SETBP1: variants seen among roughly 807,000 people sequenced by gnomAD.
SETBP1 encodes the protein SET binding protein 1.
SETBP1 carries 9 observed loss-of-function variants against 101.0 expected under a neutral mutation model. That is an observed-to-expected ratio of 0.09 (90% CI 0.05 to 0.16). SETBP1 has a LOEUF of 0.16. Ranked by LOEUF, SETBP1 falls within the 10% of genes least tolerant of loss-of-function variation. The pLI is 1.00. For synonymous variants in SETBP1, 818 were observed against 788.5 expected (o/e 1.04, Z -0.63); for missense variants, 1,858 against 2,033.8 (o/e 0.91, Z 1.66).
intron 2 of SETBP1, among the ~76,000 whole-genome samples, chr18:44,863,691 C>T (rs141855375): frequency 6.6e-6 from 1 of 152,068 alleles, no homozygotes; most frequent in Non-Finnish European, 1.5e-5. Context: ...AAGGATGGTA[C>T]CTTTGAGGGT....
Position 45,063,746 on chromosome 18 carries a change from G to A in SETBP1, c.*48G>A, listed in dbSNP as rs1375825052. 5 of 1,571,444 alleles carry A rather than the reference G, an allele frequency of 3.2e-6. No homozygotes were observed. The highest frequency in any genetic ancestry group is 2.7e-5 in the African/African-American group (2 of 73,410). ...TGGGGCCTAGGGAACTGACACGTGG[G>A]AAGCGCAGTGAGCCGGGGCGGGGGC... is the stretch of plus-strand genomic sequence containing the variant. On this transcript the variant is annotated 3_prime_UTR_variant, in exon 6 of 6. Coordinates refer to ENST00000649279, the MANE Select transcript of SETBP1 (RefSeq NM_015559.3).
At chr18:44,902,521 C>G (rs2070075731) in intron 3 of SETBP1, among the ~76,000 whole-genome samples, 1 of 151,684 alleles carries the variant, frequency 6.6e-6, no homozygotes, top group Non-Finnish European at 1.5e-5. Context: ...CAGGCCCTCC[C>G]CAAATCATAC....
At chr18:44,893,572 G>A (rs1038518793) in intron 3 of SETBP1, among the ~76,000 whole-genome samples, 14 of 152,204 alleles carry the variant, frequency 9.2e-5, no homozygotes, top group African/African-American at 1.7e-4. Flanking sequence ...TCCTCACCCC[G>A]GTGTGGCCTT....
chr18:45,029,570 G>A (rs917018309), intron 4 of SETBP1, among the ~76,000 whole-genome samples: 4 of 152,096 alleles, frequency 2.6e-5, no homozygotes, highest in African/African-American at 9.7e-5. Flanking sequence ...TAGCTTGATG[G>A]GGATGGCATT....
chr18:44,682,735 A>G (rs1257537160), intron 1 of SETBP1, among the ~76,000 whole-genome samples: 1 of 152,180 alleles, frequency 6.6e-6, no homozygotes, highest in Non-Finnish European at 1.5e-5. Context: ...GTAGCCCCCA[A>G]AGATATGGAG....
chr18:44,750,344 A>G (rs1272206122), intron 2 of SETBP1, among the ~76,000 whole-genome samples: 1 of 152,136 alleles, frequency 6.6e-6, no homozygotes, highest in South Asian at 2.1e-4. Flanking sequence ...AGAGAGGGGA[A>G]GCTCTGCTGT....
intron 2 of SETBP1, among the ~76,000 whole-genome samples, chr18:44,814,699 G>C (rs1218348169): frequency 6.6e-6 from 1 of 152,212 alleles, no homozygotes; most frequent in Admixed American, 6.5e-5. Context: ...ATAGATGCAG[G>C]CTGGCCGCAC....
intron 5 of SETBP1, among the ~76,000 whole-genome samples, chr18:45,052,536 A>C (rs2073739208): frequency 6.6e-6 from 1 of 152,204 alleles, no homozygotes; most frequent in South Asian, 2.1e-4. Flanking sequence ...AGAAAAATGC[A>C]AGACTTTTTT....
chr18:44,776,813 C>CA (rs2071013607), intron 2 of SETBP1, among the ~76,000 whole-genome samples: 1 of 152,230 alleles, frequency 6.6e-6, no homozygotes, highest in Admixed American at 6.5e-5. Flanking sequence ...TGATGCTGAT[C>CA]AGTTAATAGA....
chr18:44,967,802 C>T (rs773173635), intron 4 of SETBP1, among the ~76,000 whole-genome samples: 1 of 152,192 alleles, frequency 6.6e-6, no homozygotes, highest in Non-Finnish European at 1.5e-5. Flanking sequence ...CACCACACCA[C>T]AGCCCCTGGG....
At position 44,712,953 on chromosome 18, in the gene SETBP1, C is replaced by CTT. The variant is rs11323504; in HGVS notation, c.486+11143_486+11144dup. 4.0e-3 allele frequency among the ~76,000 whole-genome samples: 260 copies of CTT among 64,850 alleles called. 3 individuals carry two copies. Among genetic ancestry groups the CTT allele is most frequent in the African/African-American group, 0.013 (211 of 16,228 alleles). 42.5% of individuals were successfully genotyped at this position (64,850 alleles called of 152,430 possible). A position where few individuals can be genotyped will look rare whatever the true frequency, so the allele number is the denominator to read the frequency against. Reference sequence around the variant, plus strand: ...TGAGCATTTCTCTTTCAGCATCCCTCTTTTTTTTTTTTTTTTTTTTTTTGA... The same window carrying CTT: ...TGAGCATTTCTCTTTCAGCATCCCTCTTTTTTTTTTTTTTTTTTTTTTTTTGA... On this transcript the variant is annotated intron_variant, in intron 2 of 5. Transcript: ENST00000649279.
intron 4 of SETBP1, among the ~76,000 whole-genome samples, chr18:44,974,388 A>G (rs1196397252): frequency 6.6e-6 from 1 of 152,190 alleles, no homozygotes; most frequent in African/African-American, 2.4e-5. Context: ...AAGTTTGGCA[A>G]GGAGGGGAGG....
At chr18:44,776,129 C>G (rs1400511241) in intron 2 of SETBP1, among the ~76,000 whole-genome samples, 1 of 152,256 alleles carries the variant, frequency 6.6e-6, no homozygotes, top group Admixed American at 6.5e-5. Flanking sequence ...TGAAAAGGTA[C>G]CCATCATGAA....
At position 45,067,377 on chromosome 18, in the gene SETBP1, A is replaced by G. The variant is rs997224618; in HGVS notation, c.*3679A>G. 2.6e-5 allele frequency: 4 copies of G among 152,178 alleles called. No homozygotes were observed. The highest frequency in any genetic ancestry group is 1.3e-4 in the Admixed American group (2 of 15,284). 9.4% of individuals were successfully genotyped at this position (152,178 alleles called of 1,614,324 possible). ...AGCTTTTGGAGAATATCTTTTTCCT[A>G]TCACTAGAAAGATTTACCTGGGAAC... On this transcript the variant is annotated 3_prime_UTR_variant, in exon 6 of 6. Coordinates refer to ENST00000649279, the MANE Select transcript of SETBP1 (RefSeq NM_015559.3).
At chr18:45,027,392 G>A (rs536441390) in intron 4 of SETBP1, among the ~76,000 whole-genome samples, 4 of 152,166 alleles carry the variant, frequency 2.6e-5, no homozygotes, top group South Asian at 2.1e-4. Flanking sequence ...AACTATCATG[G>A]GGAAGAGCTT....
chr18:44,842,753 C>CACACTTCT (rs1238200368), intron 2 of SETBP1, among the ~76,000 whole-genome samples: 6 of 152,246 alleles, frequency 3.9e-5, no homozygotes, highest in Non-Finnish European at 8.8e-5. Context: ...CCACACAGTA[C>CACACTTCT]ACACTTCTCT....
chr18:44,932,291 T>G (rs2070854927), intron 3 of SETBP1, among the ~76,000 whole-genome samples: 1 of 152,180 alleles, frequency 6.6e-6, no homozygotes, highest in Admixed American at 6.5e-5. Context: ...GCTTGTAGAG[T>G]TTCTGCTGAG....
At chr18:44,702,248 A>C (rs576386165) in intron 2 of SETBP1, among the ~76,000 whole-genome samples, 1 of 152,316 alleles carries the variant, frequency 6.6e-6, no homozygotes, top group South Asian at 2.1e-4. Flanking sequence ...AGGATGAGGA[A>C]GAAGAGGAAG....
At chr18:45,035,950 T>C (rs2073387793) in intron 4 of SETBP1, among the ~76,000 whole-genome samples, 1 of 152,254 alleles carries the variant, frequency 6.6e-6, no homozygotes, top group Non-Finnish European at 1.5e-5. Context: ...CCCATAGGCT[T>C]CTGGATATTT....
Sources: allele counts gnomAD v4.1 joint callset (sites outside exome capture counted in the v4.1 genomes callset), GRCh38; gene constraint gnomAD v4.1.1; transcripts MANE v1.5; gene names NCBI Gene and HGNC (gene_info 2026-07-23, HGNC 2026-07-21).